SPEF2: variants seen among roughly 807,000 people sequenced by gnomAD.
SPEF2 encodes the protein sperm flagellar and cilia associated 2, also known as sperm flagella and cilia-associated protein 2.
SPEF2 carries 187 observed loss-of-function variants against 224.6 expected under a neutral mutation model. The observed-to-expected ratio is 0.83, with a 90% CI of 0.74 to 0.94. The LOEUF is 0.94. Among genes scored for constraint, SPEF2 ranks in the 40% least tolerant of loss-of-function variants. The probability of loss-of-function intolerance (pLI) is 0.00; values close to 1 mark genes in which losing one functional copy is unlikely to be tolerated. For synonymous variants in SPEF2, 715 were observed against 707.3 expected, an observed-to-expected ratio of 1.01 and a Z score of -0.17; for missense variants, 2,170 against 2,135.6, an observed-to-expected ratio of 1.02 and a Z score of -0.32.
chr5:35,776,286 A>G lies in SPEF2; in HGVS notation c.4108A>G (p.Ile1370Val). 1 of 1,611,322 alleles carries G rather than the reference A, an allele frequency of 6.2e-7. No homozygotes were observed. Among genetic ancestry groups the G allele is most frequent in the South Asian group, 1.1e-5 (1 of 90,718 alleles). Residue 1370 changes from isoleucine (I) to valine (V), a missense_variant, in exon 29 of 37, where the codon ATA becomes GTA. By Grantham distance (29) the Ile-to-Val change is conservative. Coordinates refer to ENST00000356031, the MANE Select transcript of SPEF2 (RefSeq NM_024867.4). Reference sequence around the variant, plus strand: ...AGCCACGCAATTTCGACTTGAACTGATAAAGACAAAAGCATTGGCTCTTCT... The same window carrying G: ...AGCCACGCAATTTCGACTTGAACTGGTAAAGACAAAAGCATTGGCTCTTCT... ...EIATQFRLEL[I>V]KTKALALLED...
rs770939575 is a variant in SPEF2 at position 35,704,541 on chromosome 5, T to C, written c.2399-13T>C. The C allele has an allele frequency of 1.3e-6, 2 of 1,578,162 alleles. No homozygotes were observed. Among genetic ancestry groups the C allele is most frequent in the Non-Finnish European group, 8.6e-7 (1 of 1,159,436 alleles). On this transcript the variant is annotated splice_polypyrimidine_tract_variant and intron_variant, in intron 16 of 36. Transcript: ENST00000356031. ...TTTGAAAATTATCTAATTAAATAAA[T>C]TTTATACCATAGCTGAAGAATTGTC...
chr5:35,758,597 G>A (rs1303156515), intron 24 of SPEF2, among the ~76,000 whole-genome samples: 1 of 152,102 alleles, frequency 6.6e-6, no homozygotes, highest in Non-Finnish European at 1.5e-5. Flanking sequence ...TTTTCACAAG[G>A]TACTTACTGG....
chr5:35,698,679 G>A (rs941602051), intron 15 of SPEF2: 1 of 152,318 alleles, frequency 6.6e-6, no homozygotes, highest in African/African-American at 2.4e-5. Context: ...TCATCAGTGT[G>A]AAATCTTTGA....
At chr5:35,746,772 C>G (rs1450406575) in intron 23 of SPEF2, among the ~76,000 whole-genome samples, 3 of 152,096 alleles carry the variant, frequency 2.0e-5, no homozygotes, top group Admixed American at 1.3e-4. Context: ...AGGAAAACTT[C>G]CCCAGCCTCG....
At chr5:35,639,052 CA>C (rs916945571) in intron 2 of SPEF2, among the ~76,000 whole-genome samples, 4 of 152,094 alleles carry the variant, frequency 2.6e-5, no homozygotes, top group African/African-American at 9.7e-5. Flanking sequence ...TTCGTGAACA[CA>C]AAGGCCTTTT....
intron 27 of SPEF2, among the ~76,000 whole-genome samples, chr5:35,772,707 G>A (rs73747966): frequency 0.036 from 5,537 of 152,192 alleles, 297 homozygotes; most frequent in South Asian, 0.12. Flanking sequence ...CATCTCAAGT[G>A]GCAGGAATAA....
At chr5:35,689,386 T>C (rs932608355) in intron 10 of SPEF2, among the ~76,000 whole-genome samples, 1 of 152,132 alleles carries the variant, frequency 6.6e-6, no homozygotes, top group Non-Finnish European at 1.5e-5. Flanking sequence ...GTTACAGAGG[T>C]GTATTGCACA....
chr5:35,806,603 C>T, intron 34 of SPEF2, 104 bp from the exon 35 acceptor site: 2 of 1,405,300 alleles, frequency 1.4e-6, no homozygotes, highest in Non-Finnish European at 1.9e-6. Context: ...TAGGCTCTGT[C>T]ATTCATGAAA....
Position 35,646,768 on chromosome 5 carries a change from C to T in SPEF2, c.687C>T (p.Leu229=), listed in dbSNP as rs374415067. 22 of 1,613,508 alleles carry T rather than the reference C, an allele frequency of 1.4e-5. No homozygotes were observed. The highest frequency in any genetic ancestry group is 6.7e-5 in the African/African-American group (5 of 74,832). The change falls in exon 5 of 37, where the codon CTC becomes CTT. Residue 229 remains leucine, a synonymous_variant. Transcript: ENST00000356031. Reference sequence around the variant, plus strand: ...CATCAAATCGTACTTTGAAAGCACTCGAGGCCCAAAAAATGATGAAAAAGA... The same window carrying T: ...CATCAAATCGTACTTTGAAAGCACTTGAGGCCCAAAAAATGATGAAAAAGA... ...KPASNRTLKA[L]EAQKMMKKKK...
intron 17 of SPEF2, among the ~76,000 whole-genome samples, chr5:35,704,980 A>G (rs1351952436): frequency 2.0e-5 from 3 of 152,110 alleles, no homozygotes; most frequent in Non-Finnish European, 4.4e-5. Context: ...ACGATGGTGG[A>G]ACTTCAAAAA....
intron 6 of SPEF2, among the ~76,000 whole-genome samples, chr5:35,651,758 C>A (rs1748217241): frequency 6.6e-6 from 1 of 152,164 alleles, no homozygotes; most frequent in South Asian, 2.1e-4. Flanking sequence ...TCTGCAGCTG[C>A]CTTTTTCATA....
chr5:35,729,217 T>C (rs953412271), intron 21 of SPEF2, among the ~76,000 whole-genome samples: 2 of 152,070 alleles, frequency 1.3e-5, no homozygotes, highest in African/African-American at 4.8e-5. Context: ...AGGCAATAAG[T>C]ATGGCAACCT....
intron 10 of SPEF2, among the ~76,000 whole-genome samples, chr5:35,678,004 T>C (rs1252833382): frequency 6.6e-6 from 1 of 152,236 alleles, no homozygotes; most frequent in Non-Finnish European, 1.5e-5. Flanking sequence ...CCAGGCTCTC[T>C]CCAGCGTGGG....
At chr5:35,653,103 T>G (rs904051061) in intron 6 of SPEF2, among the ~76,000 whole-genome samples, 23 of 152,246 alleles carry the variant, frequency 1.5e-4, no homozygotes, top group African/African-American at 4.1e-4. Context: ...AATGTATCTT[T>G]TAATGATAAA....
intron 6 of SPEF2, among the ~76,000 whole-genome samples, chr5:35,653,315 A>G (rs1328655006): frequency 6.6e-6 from 1 of 152,198 alleles, no homozygotes; most frequent in African/African-American, 2.4e-5. Flanking sequence ...CTGTGCTTAC[A>G]TGTGTGGCAT....
chr5:35,803,125 A>C (rs1002621893), intron 34 of SPEF2, among the ~76,000 whole-genome samples: 1 of 152,168 alleles, frequency 6.6e-6, no homozygotes, highest in African/African-American at 2.4e-5. Context: ...TGAAGAAGGA[A>C]GAGAGGGACA....
At chr5:35,705,503 A>G in intron 17 of SPEF2, 148 bp from the exon 18 acceptor site, 1 of 543,354 alleles carries the variant, frequency 1.8e-6, no homozygotes, top group Non-Finnish European at 3.1e-6. Flanking sequence ...TTTCTTCTTT[A>G]ATCTAAAATA....
At chr5:35,700,404 TG>T in intron 15 of SPEF2, 91 bp from the exon 16 acceptor site, 1 of 1,165,522 alleles carries the variant, frequency 8.6e-7, no homozygotes, top group African/African-American at 1.5e-5. Flanking sequence ...GAAGTTATTG[TG>T]GAATTGAAAG....
At chr5:35,763,097 G>T (rs180732756) in intron 25 of SPEF2, among the ~76,000 whole-genome samples, 1 of 152,126 alleles carries the variant, frequency 6.6e-6, no homozygotes, top group Non-Finnish European at 1.5e-5. Flanking sequence ...TGTGCCCTCC[G>T]GGATGCCAGA....
Sources: allele counts gnomAD v4.1 joint callset (sites outside exome capture counted in the v4.1 genomes callset), GRCh38; gene constraint gnomAD v4.1.1; transcripts MANE v1.5; gene names NCBI Gene and HGNC (gene_info 2026-07-23, HGNC 2026-07-21).